LRRTM3: variants seen among roughly 807,000 people sequenced by gnomAD.
LRRTM3 encodes leucine-rich repeat transmembrane neuronal protein 3.
In LRRTM3, 24 loss-of-function variants were observed where a neutral mutation model predicts 44.7. That is an observed-to-expected ratio of 0.54 (90% CI 0.39 to 0.76). The LOEUF (loss-of-function observed/expected upper bound fraction) is 0.76. Ranked by LOEUF, LRRTM3 falls within the 30% of genes least tolerant of loss-of-function variation. The probability of loss-of-function intolerance (pLI) is 0.00; values close to 1 mark genes in which losing one functional copy is unlikely to be tolerated. For missense variants in LRRTM3, 587 were observed against 702.2 expected (o/e 0.84, Z 1.85); for synonymous variants, 277 against 278.7 (o/e 0.99, Z 0.06).
rs192084744 is a variant in LRRTM3 at position 66,991,407 on chromosome 10, A to G, written c.1536+62955A>G. On this transcript the variant is annotated intron_variant, in intron 2 of 2. Transcript: ENST00000361320. ...ACATAAATAGCCTACTCAGAAAATT[A>G]TATCAACACTAAATCACAGGTAACA... Among the ~76,000 whole-genome samples the G allele has an allele frequency of 3.7e-4, 57 of 152,332 alleles. No homozygotes were observed. In the East Asian group the frequency reaches 9.3e-3, roughly 25 times the overall value.
Position 67,090,838 on chromosome 10 carries a change from G to A in LRRTM3, c.1537-6749G>A, listed in dbSNP as rs74929318. 2.6e-5 allele frequency among the ~76,000 whole-genome samples: 4 copies of A among 151,956 alleles called. No homozygotes were observed. The South Asian group carries it at 6.2e-4, about 24-fold the overall frequency. On this transcript the variant is annotated intron_variant, in intron 2 of 2. Coordinates refer to ENST00000361320, the MANE Select transcript of LRRTM3 (RefSeq NM_178011.5). ...CTAAAGAAACTAAGGTAGAACCTGC[G>A]GTAACATCTAGGCCGTCCCTGACAC...
chr10:67,019,207 T>C (rs1852838670), intron 2 of LRRTM3, among the ~76,000 whole-genome samples: 1 of 152,178 alleles, frequency 6.6e-6, no homozygotes, highest in Non-Finnish European at 1.5e-5. Flanking sequence ...CTTTTCTTTT[T>C]TTAATTTTAT....
At chr10:67,034,293 C>A (rs1925629) in intron 2 of LRRTM3, among the ~76,000 whole-genome samples, 64,368 of 152,016 alleles carry the variant, frequency 0.42, 14,138 homozygotes, top group Middle Eastern at 0.62. Flanking sequence ...GCCAAGCAAT[C>A]ATTTATTCAG....
At chr10:67,079,041 T>G (rs1319048237) in intron 2 of LRRTM3, among the ~76,000 whole-genome samples, 1 of 152,130 alleles carries the variant, frequency 6.6e-6, no homozygotes, top group African/African-American at 2.4e-5. Context: ...CCACTTCAAC[T>G]AGAATGTACA....
chr10:67,031,642 G>A (rs754707762), intron 2 of LRRTM3, among the ~76,000 whole-genome samples: 22 of 152,074 alleles, frequency 1.4e-4, no homozygotes, highest in Admixed American at 1.2e-3. Context: ...TTTGAAATAC[G>A]CCCATCAACC....
At chr10:66,950,490 G>C (rs1272595224) in intron 2 of LRRTM3, among the ~76,000 whole-genome samples, 1 of 151,992 alleles carries the variant, frequency 6.6e-6, no homozygotes, top group South Asian at 2.1e-4. Flanking sequence ...TGAGACTCTA[G>C]TATATTAAAC....
intron 2 of LRRTM3, among the ~76,000 whole-genome samples, chr10:67,067,550 G>T (rs1856168747): frequency 6.6e-6 from 1 of 152,142 alleles, no homozygotes; most frequent in South Asian, 2.1e-4. Flanking sequence ...TGAAAGATAA[G>T]TAAATAAATT....
chr10:67,091,177 C>T (rs1308898244), intron 2 of LRRTM3, among the ~76,000 whole-genome samples: 2 of 151,844 alleles, frequency 1.3e-5, no homozygotes, highest in African/African-American at 4.8e-5. Context: ...TTGCGCATAC[C>T]TTAGCAAAAC....
intron 2 of LRRTM3, among the ~76,000 whole-genome samples, chr10:66,980,904 T>C (rs2394318): frequency 0.83 from 125,567 of 152,122 alleles, 52,327 homozygotes; most frequent in East Asian, 1. Flanking sequence ...TTTTTCTTTC[T>C]TTTTTATTTA....
chr10:66,949,376 G>C (rs1589473511), intron 2 of LRRTM3, among the ~76,000 whole-genome samples: 1 of 152,052 alleles, frequency 6.6e-6, no homozygotes, highest in Admixed American at 6.6e-5. Flanking sequence ...GACCAACATG[G>C]AGAAACCCCG....
At chr10:67,009,577 A>C (rs1052661362) in intron 2 of LRRTM3, among the ~76,000 whole-genome samples, 1 of 151,518 alleles carries the variant, frequency 6.6e-6, no homozygotes, top group Non-Finnish European at 1.5e-5. Context: ...AATTTCCCTG[A>C]GCGAATGGGT....
At chr10:66,945,599 T>C (rs1848233185) in intron 2 of LRRTM3, among the ~76,000 whole-genome samples, 1 of 152,206 alleles carries the variant, frequency 6.6e-6, no homozygotes, top group Admixed American at 6.5e-5. Flanking sequence ...GCACTTTTCA[T>C]TTTCTTCAAG....
chr10:67,067,355 A>G (rs1025270305), intron 2 of LRRTM3, among the ~76,000 whole-genome samples: 11 of 152,180 alleles, frequency 7.2e-5, no homozygotes, highest in African/African-American at 2.4e-4. Context: ...CTAAGCAAAA[A>G]GTTACTAACC....
intron 2 of LRRTM3, among the ~76,000 whole-genome samples, chr10:67,085,779 C>T (rs937680522): frequency 6.6e-6 from 1 of 151,960 alleles, no homozygotes; most frequent in Non-Finnish European, 1.5e-5. Context: ...CAAACTTTTA[C>T]TAATACGCAA....
chr10:67,019,048 AATGAATAC>A (rs1301464673), intron 2 of LRRTM3, among the ~76,000 whole-genome samples: 5 of 152,182 alleles, frequency 3.3e-5, no homozygotes, highest in African/African-American at 9.7e-5. Context: ...TTACATATCT[AATGAATAC>A]AGTGCCTGCA....
chr10:67,040,440 C>G (rs1254497006), intron 2 of LRRTM3, among the ~76,000 whole-genome samples: 1 of 151,952 alleles, frequency 6.6e-6, no homozygotes, highest in Non-Finnish European at 1.5e-5. Context: ...GCAAAGTATC[C>G]AATTTGTCAT....
intron 2 of LRRTM3, among the ~76,000 whole-genome samples, chr10:67,048,406 C>T (rs894583485): frequency 1.3e-5 from 2 of 152,050 alleles, no homozygotes; most frequent in Non-Finnish European, 2.9e-5. Context: ...CCAAGGAAAC[C>T]TCTTACTGTT....
At chr10:67,077,413 C>A (rs1246839455) in intron 2 of LRRTM3, among the ~76,000 whole-genome samples, 1 of 152,078 alleles carries the variant, frequency 6.6e-6, no homozygotes, top group African/African-American at 2.4e-5. Flanking sequence ...TTTTGAGTCC[C>A]ACCTGACCCA....
At chr10:66,965,314 A>G (rs1849340498) in intron 2 of LRRTM3, among the ~76,000 whole-genome samples, 1 of 151,978 alleles carries the variant, frequency 6.6e-6, no homozygotes, top group African/African-American at 2.4e-5. Context: ...AGGCAGGTGG[A>G]TCATGAGGTC....
Sources: allele counts gnomAD v4.1 joint callset (sites outside exome capture counted in the v4.1 genomes callset), GRCh38; gene constraint gnomAD v4.1.1; transcripts MANE v1.5; gene names NCBI Gene and HGNC (gene_info 2026-07-23, HGNC 2026-07-21).